CSRNP3: variants seen among roughly 807,000 people sequenced by gnomAD.
CSRNP3 encodes cysteine and serine rich nuclear protein 3, also known as cysteine/serine-rich nuclear protein 3.
Under a neutral mutation model 48.0 loss-of-function variants are expected in CSRNP3, and 12 were observed. The ratio of observed to expected loss-of-function variants is 0.25; its 90% CI spans 0.16 to 0.41. CSRNP3 has a LOEUF of 0.41. Among genes scored for constraint, CSRNP3 ranks in the 10% least tolerant of loss-of-function variants. CSRNP3 has a pLI of 1.00. For synonymous variants in CSRNP3, 263 were observed against 269.7 expected, an observed-to-expected ratio of 0.98 and a Z score of 0.24; for missense variants, 580 against 724.4, an observed-to-expected ratio of 0.80 and a Z score of 2.29.
chr2:165,585,813 T>A (rs565208785), intron 3 of CSRNP3, among the ~76,000 whole-genome samples: 87 of 152,318 alleles, frequency 5.7e-4, no homozygotes, highest in Admixed American at 2.5e-3. Flanking sequence ...GGTGGAAGAA[T>A]CTTTGTTAAT....
chr2:165,671,875 C>T (rs1270255416), intron 5 of CSRNP3, among the ~76,000 whole-genome samples: 1 of 152,188 alleles, frequency 6.6e-6, no homozygotes, highest in Admixed American at 6.5e-5. Context: ...AATCATCTCT[C>T]TCAAGTTCAA....
intron 3 of CSRNP3, among the ~76,000 whole-genome samples, chr2:165,559,516 A>C (rs1192733208): frequency 6.6e-6 from 1 of 152,200 alleles, no homozygotes; most frequent in Non-Finnish European, 1.5e-5. Flanking sequence ...TTAAAAAATG[A>C]ACAAAAAATA....
intron 3 of CSRNP3, among the ~76,000 whole-genome samples, chr2:165,592,137 C>T (rs1404393113): frequency 6.6e-6 from 1 of 152,226 alleles, no homozygotes; most frequent in Non-Finnish European, 1.5e-5. Flanking sequence ...GGATGTGAGA[C>T]ATGGAGTCAA....
intron 3 of CSRNP3, chr2:165,572,612 A>G (rs968834441): frequency 6.6e-6 from 1 of 152,214 alleles, no homozygotes; most frequent in Non-Finnish European, 1.5e-5. Context: ...AAATTACTCC[A>G]ACACTTCCTT....
At chr2:165,523,170 GCTCAGGAGTC>G (rs1207283913) in intron 3 of CSRNP3, among the ~76,000 whole-genome samples, 1 of 152,102 alleles carries the variant, frequency 6.6e-6, no homozygotes, top group Non-Finnish European at 1.5e-5. Context: ...CTCTAAGAGG[GCTCAGGAGTC>G]CTTCCTGCTA....
intron 3 of CSRNP3, among the ~76,000 whole-genome samples, chr2:165,588,882 A>C (rs894740521): frequency 3.3e-5 from 5 of 152,152 alleles, no homozygotes; most frequent in African/African-American, 1.2e-4. Context: ...GGATCCCTTG[A>C]GCTCAGGAGG....
chr2:165,678,936 C>T lies in CSRNP3; in HGVS notation c.941C>T (p.Ala314Val), dbSNP rs367806729. The T allele has an allele frequency of 1.7e-5, 27 of 1,613,898 alleles. No homozygotes were observed. The highest frequency in any genetic ancestry group is 2.1e-5 in the Non-Finnish European group (25 of 1,180,008). Residue 314 changes from alanine (A) to valine (V), a missense_variant, in exon 7 of 7, where the codon GCA becomes GTA. Ala to Val is a moderately conservative substitution (Grantham distance 64). Transcript: ENST00000651982. ...GCTCACTCCGTAGAATATTCAATCGCAGACAGTTTTGAGATTGAAACTGAG... is the reference window on the plus strand; with the variant it reads ...GCTCACTCCGTAGAATATTCAATCGTAGACAGTTTTGAGATTGAAACTGAG... Reference protein sequence around the residue: ...PVAHSVEYSIADSFEIETEPQ... With the variant: ...PVAHSVEYSIVDSFEIETEPQ...
At chr2:165,644,626 C>T (rs780406668) in intron 4 of CSRNP3, among the ~76,000 whole-genome samples, 9 of 152,124 alleles carry the variant, frequency 5.9e-5, no homozygotes, top group East Asian at 5.8e-4. Flanking sequence ...TTATCAGTAT[C>T]GAAGCAAGCA....
chr2:165,509,767 A>G (rs1684477380), intron 2 of CSRNP3, among the ~76,000 whole-genome samples: 1 of 152,172 alleles, frequency 6.6e-6, no homozygotes, highest in Non-Finnish European at 1.5e-5. Context: ...CTATTAAACA[A>G]GGTACAGACT....
At chr2:165,628,099 T>C (rs1194171306) in intron 4 of CSRNP3, among the ~76,000 whole-genome samples, 1 of 152,182 alleles carries the variant, frequency 6.6e-6, no homozygotes, top group African/African-American at 2.4e-5. Flanking sequence ...TGCCACAGAA[T>C]TATCCTACCA....
At position 165,666,092 on chromosome 2, in the gene CSRNP3, G is replaced by A. The variant is rs1392627601; in HGVS notation, c.408+8072G>A. Among the ~76,000 whole-genome samples, 22 of 112,344 alleles carry A rather than the reference G, an allele frequency of 2.0e-4. No homozygotes were observed. The South Asian group carries it at 3.6e-3, about 19-fold the overall frequency. The allele number at this position is 112,344 out of a possible 152,430, so 73.7% of individuals were successfully genotyped here. The stretch of plus-strand genomic sequence containing the variant: ...AAAGAGAGAGAGAGAAAGGAAGGAA[G>A]GAGAGAGAGGAAGAAAGAAAGAGAG... On this transcript the variant is annotated intron_variant, in intron 5 of 6. Transcript: ENST00000651982.
chr2:165,668,228 C>A (rs116792422), intron 5 of CSRNP3, among the ~76,000 whole-genome samples: 2,860 of 152,166 alleles, frequency 0.019, 94 homozygotes, highest in African/African-American at 0.065. Context: ...GTTAGCTCAA[C>A]CAGCTTTATC....
At chr2:165,569,183 G>A (rs759013916) in intron 3 of CSRNP3, among the ~76,000 whole-genome samples, 4 of 152,012 alleles carry the variant, frequency 2.6e-5, no homozygotes, top group Admixed American at 1.3e-4. Flanking sequence ...TGAGGTTGAC[G>A]TAGCCAATTT....
chr2:165,502,136 A>C (rs1684366987), intron 2 of CSRNP3, among the ~76,000 whole-genome samples: 1 of 152,024 alleles, frequency 6.6e-6, no homozygotes, highest in South Asian at 2.1e-4. Context: ...CATACTATGC[A>C]ATTAGTTGAA....
intron 4 of CSRNP3, among the ~76,000 whole-genome samples, chr2:165,597,861 T>C (rs947872917): frequency 5.3e-5 from 8 of 152,144 alleles, no homozygotes; most frequent in African/African-American, 1.9e-4. Context: ...GAGATTTCAT[T>C]AGTATGAAAT....
At chr2:165,642,102 A>AC (rs1491233945) in intron 4 of CSRNP3, among the ~76,000 whole-genome samples, 73 of 115,690 alleles carry the variant, frequency 6.3e-4, no homozygotes, top group African/African-American at 2.6e-3. Context: ...ACACACACAC[A>AC]AACACACACA....
chr2:165,674,477 C>T (rs774791235), intron 5 of CSRNP3, among the ~76,000 whole-genome samples: 5 of 151,564 alleles, frequency 3.3e-5, no homozygotes, highest in Non-Finnish European at 5.9e-5. Context: ...CTACTAGTGG[C>T]TATCACAGTT....
At chr2:165,613,993 T>C (rs1273809961) in intron 4 of CSRNP3, among the ~76,000 whole-genome samples, 1 of 152,132 alleles carries the variant, frequency 6.6e-6, no homozygotes, top group African/African-American at 2.4e-5. Flanking sequence ...TTGAGTAGTA[T>C]GGTCGTTTTA....
chr2:165,550,314 A>G (rs1367575622), intron 3 of CSRNP3, among the ~76,000 whole-genome samples: 1 of 152,224 alleles, frequency 6.6e-6, no homozygotes, highest in East Asian at 1.9e-4. Flanking sequence ...TCTATTTTAG[A>G]GAGCATGTCA....
Sources: allele counts gnomAD v4.1 joint callset (sites outside exome capture counted in the v4.1 genomes callset), GRCh38; gene constraint gnomAD v4.1.1; transcripts MANE v1.5; gene names NCBI Gene and HGNC (gene_info 2026-07-23, HGNC 2026-07-21).